Variants in FAM135B observed in about 807,000 individuals in gnomAD.
FAM135B encodes protein FAM135B.
FAM135B carries 43 observed loss-of-function variants against 127.7 expected under a neutral mutation model. The ratio of observed to expected loss-of-function variants is 0.34; its 90% CI spans 0.26 to 0.43. The LOEUF (loss-of-function observed/expected upper bound fraction) is 0.43, where lower values mean the gene tolerates loss of function less well. FAM135B is among the 20% of genes least tolerant of loss of function. The pLI is 1.00. For synonymous variants in FAM135B, 670 were observed against 665.1 expected, an observed-to-expected ratio of 1.01 and a Z score of -0.11; for missense variants, 1,558 against 1,725.6, an observed-to-expected ratio of 0.90 and a Z score of 1.72.
chr8:138,202,304 C>G (rs1041822926), intron 7 of FAM135B, among the ~76,000 whole-genome samples: 1 of 151,796 alleles, frequency 6.6e-6, no homozygotes, highest in African/African-American at 2.4e-5. Context: ...GGTTGGAGTA[C>G]AGTGGCGCAA....
intron 1 of FAM135B, among the ~76,000 whole-genome samples, chr8:138,409,324 G>A (rs1396384350): frequency 6.6e-6 from 1 of 152,036 alleles, no homozygotes; most frequent in Non-Finnish European, 1.5e-5. Context: ...TTAAGTTCAC[G>A]GTCTTACATG....
chr8:138,266,210 G>A (rs945481244), intron 3 of FAM135B, among the ~76,000 whole-genome samples: 15 of 152,178 alleles, frequency 9.9e-5, no homozygotes, highest in African/African-American at 3.6e-4. Context: ...GGAGAAGAAC[G>A]GGGAGTAAAA....
At chr8:138,196,570 T>C (rs4909749) in intron 8 of FAM135B, among the ~76,000 whole-genome samples, 61,245 of 151,994 alleles carry the variant, frequency 0.4, 14,405 homozygotes, top group African/African-American at 0.63. Context: ...AGTGCAGCAA[T>C]GAACAATGAA....
At chr8:138,402,506 A>T (rs1263966518) in intron 1 of FAM135B, among the ~76,000 whole-genome samples, 1 of 152,154 alleles carries the variant, frequency 6.6e-6, no homozygotes, top group Non-Finnish European at 1.5e-5. Context: ...ATTATAAACA[A>T]CATAGCCAGA....
chr8:138,437,329 G>C (rs2131531514), intron 1 of FAM135B: 1 of 152,284 alleles, frequency 6.6e-6, no homozygotes, highest in Non-Finnish European at 1.5e-5. Context: ...ATCCCCACCT[G>C]TCATGGAAGG....
In FAM135B at chr8:138,177,539, G is replaced by A. The variant is rs115653607; in HGVS notation, c.1030-119C>T. The A allele has an allele frequency of 1.9e-3, 1,648 of 845,400 alleles. 18 individuals carry two copies. The African/African-American group carries it at 0.021, about 11-fold the overall frequency. The allele number at this position is 845,400 out of a possible 1,614,324, so 52.4% of individuals were successfully genotyped here. A position where few individuals can be genotyped will look rare whatever the true frequency, so the allele number is the denominator to read the frequency against. ...TATTTCCTAATAGGAAGAGAGCCAG[G>A]CCCCTGACCTGAAGGTTCTGAATCA... On this transcript the variant is annotated intron_variant, in intron 10 of 19. Coordinates refer to ENST00000395297, the MANE Select transcript of FAM135B (RefSeq NM_015912.4).
intron 11 of FAM135B, among the ~76,000 whole-genome samples, chr8:138,170,150 G>A (rs1820296311): frequency 6.6e-6 from 1 of 151,746 alleles, no homozygotes; most frequent in African/African-American, 2.4e-5. Context: ...CCAGTGCAGT[G>A]TGGCTGTCTG....
chr8:138,460,764 C>T (rs1345047157), intron 1 of FAM135B, among the ~76,000 whole-genome samples: 1 of 152,072 alleles, frequency 6.6e-6, no homozygotes, highest in Admixed American at 6.6e-5. Flanking sequence ...TGGTGCTGCA[C>T]TCCTCTTTTC....
chr8:138,452,681 T>C (rs1450347814), intron 1 of FAM135B, among the ~76,000 whole-genome samples: 3 of 135,154 alleles, frequency 2.2e-5, no homozygotes, highest in African/African-American at 8.3e-5. Context: ...GATTCAGAAG[T>C]GGCTTAGCTG....
intron 1 of FAM135B, among the ~76,000 whole-genome samples, chr8:138,406,213 A>G (rs1159231268): frequency 6.6e-6 from 1 of 151,930 alleles, no homozygotes; most frequent in Non-Finnish European, 1.5e-5. Flanking sequence ...GAAGCTCTTT[A>G]GTTTAATTAG....
chr8:138,486,656 G>T (rs1814995810), intron 1 of FAM135B, among the ~76,000 whole-genome samples: 2 of 152,324 alleles, frequency 1.3e-5, no homozygotes, highest in Middle Eastern at 3.4e-3. Flanking sequence ...GTGTCCCAGG[G>T]CATCCTGTGC....
At chr8:138,442,276 A>G (rs984164267) in intron 1 of FAM135B, among the ~76,000 whole-genome samples, 1 of 139,860 alleles carries the variant, frequency 7.2e-6, no homozygotes, top group African/African-American at 2.6e-5. Context: ...ATATATATAT[A>G]TGAAAAACCT....
At chr8:138,484,153 G>GT (rs1235495783) in intron 1 of FAM135B, among the ~76,000 whole-genome samples, 8 of 152,064 alleles carry the variant, frequency 5.3e-5, no homozygotes, top group African/African-American at 1.7e-4. Context: ...AATTCTATGA[G>GT]TTTTTTTCAA....
At chr8:138,414,651 A>G (rs913772151) in intron 1 of FAM135B, among the ~76,000 whole-genome samples, 2 of 149,620 alleles carry the variant, frequency 1.3e-5, no homozygotes, top group African/African-American at 4.9e-5. Flanking sequence ...TTATTAACTG[A>G]TTAATTTTTT....
At chr8:138,235,192 C>T (rs1443211985) in intron 7 of FAM135B, among the ~76,000 whole-genome samples, 2 of 152,126 alleles carry the variant, frequency 1.3e-5, no homozygotes, top group African/African-American at 4.8e-5. Flanking sequence ...ATCTCCTCAC[C>T]TCACTTATTG....
At chr8:138,300,963 G>C (rs1825844769) in intron 3 of FAM135B, among the ~76,000 whole-genome samples, 1 of 151,940 alleles carries the variant, frequency 6.6e-6, no homozygotes, top group South Asian at 2.1e-4. Context: ...TGTTGTCCAG[G>C]ATGGTCTCCA....
intron 1 of FAM135B, among the ~76,000 whole-genome samples, chr8:138,479,215 C>A (rs902221987): frequency 1.2e-4 from 18 of 152,198 alleles, no homozygotes; most frequent in South Asian, 1.0e-3. Context: ...AACCAGTGAG[C>A]CCTCTGAACC....
Position 138,411,060 on chromosome 8 carries a change from C to A in FAM135B, c.-19-43058G>T, listed in dbSNP as rs1361656371. Among the ~76,000 whole-genome samples the A allele has an allele frequency of 2.4e-5, 3 of 125,716 alleles. 1 individual carries two copies. Among genetic ancestry groups the A allele is most frequent in the Non-Finnish European group, 5.0e-5 (3 of 59,500 alleles). The allele number at this position is 125,716 out of a possible 152,430, so 82.5% of individuals were successfully genotyped here. A position where few individuals can be genotyped will look rare whatever the true frequency, so the allele number is the denominator to read the frequency against. On this transcript the variant is annotated intron_variant, in intron 1 of 19. Transcript: ENST00000395297. ...AATCTATATCATGAAAATGGCCATACTGCCGAAGGTAATTTACAGATTCAA... is the reference window on the plus strand; with the variant it reads ...AATCTATATCATGAAAATGGCCATAATGCCGAAGGTAATTTACAGATTCAA...
chr8:138,228,572 G>C (rs1819658042), intron 7 of FAM135B, among the ~76,000 whole-genome samples: 1 of 152,098 alleles, frequency 6.6e-6, no homozygotes, highest in Admixed American at 6.5e-5. Flanking sequence ...GTGGGGAGCG[G>C]ACCTGTGTTT....
Sources: gnomAD v4.1 joint callset for allele counts (sites outside exome capture counted in the v4.1 genomes callset) on GRCh38, gnomAD v4.1.1 for gene constraint, MANE v1.5 for transcripts, NCBI Gene and HGNC (gene_info 2026-07-23, HGNC 2026-07-21) for gene names.